Variants in ANKRD36C observed in about 807,000 individuals in gnomAD.
ANKRD36C encodes the protein ankyrin repeat domain 36C.
A neutral mutation model predicts 276.4 loss-of-function variants in ANKRD36C; 61 were observed. The observed-to-expected ratio is 0.22, with a 90% confidence interval of 0.18 to 0.27. The LOEUF is 0.27. Ranked by LOEUF, ANKRD36C falls within the 10% of genes least tolerant of loss-of-function variation. The pLI, the probability that ANKRD36C is intolerant of heterozygous loss-of-function variation, is 1.00. For synonymous variants in ANKRD36C, 483 were observed against 680.1 expected (o/e 0.71, Z 4.51); for missense variants, 1,447 against 2,032.3 (o/e 0.71, Z 5.54).
In ANKRD36C at chr2:95,991,755, T is replaced by G. The variant is rs1573824520; in HGVS notation, c.-47A>C. ...GCCTGCAGCCGTATTTCAGCTCGCC[T>G]TCGGGGATCGCCGCCTCCGAAGAGC... On this transcript the variant is annotated 5_prime_UTR_variant, in exon 1 of 67. Transcript: ENST00000456556. 1.9e-6 allele frequency: 3 copies of G among 1,589,568 alleles called. No homozygotes were observed. In the East Asian group the frequency reaches 6.7e-5, roughly 36 times the overall value.
At chr2:95,989,103 A>G (rs529364146) in intron 1 of ANKRD36C, among the ~76,000 whole-genome samples, 168 of 152,260 alleles carry the variant, frequency 1.1e-3, no homozygotes, top group Middle Eastern at 6.8e-3. Context: ...TGAGAGGCAG[A>G]TTGCAGTGAG....
chr2:95,887,935 T>G (rs1395069372), exon 50 of ANKRD36C: 3 of 1,591,502 alleles, frequency 1.9e-6, no homozygotes, highest in Non-Finnish European at 2.6e-6. Context: ...CTGTTCCAGA[T>G]TGTTGTCCAT....
intron 3 of ANKRD36C, among the ~76,000 whole-genome samples, chr2:95,983,421 A>G (rs1415861724): frequency 6.6e-6 from 1 of 151,340 alleles, no homozygotes; most frequent in Admixed American, 6.6e-5. Flanking sequence ...CTCCTTTAAA[A>G]ATTTATTTAT....
At chr2:95,980,427 A>C (rs1678892885) in intron 5 of ANKRD36C, among the ~76,000 whole-genome samples, 1 of 152,128 alleles carries the variant, frequency 6.6e-6, no homozygotes, top group Admixed American at 6.6e-5. Flanking sequence ...TGAAAGTTTC[A>C]ATATCAAGAA....
At chr2:95,956,896 A>C (rs1248844801) in intron 12 of ANKRD36C, 80 bp from the exon 13 acceptor site, 2 of 1,305,850 alleles carry the variant, frequency 1.5e-6, no homozygotes, top group African/African-American at 3.0e-5. Flanking sequence ...GAGCACAGTG[A>C]CTTGTTCCTA....
chr2:95,952,997 G>C (rs2438941), intron 14 of ANKRD36C, among the ~76,000 whole-genome samples: 1 of 152,374 alleles, frequency 6.6e-6, no homozygotes, highest in African/African-American at 2.4e-5. Flanking sequence ...TTTAGAATGC[G>C]ATACAAAGAC....
At chr2:95,856,400 C>G (rs1373102047) in intron 62 of ANKRD36C, among the ~76,000 whole-genome samples, 1 of 151,586 alleles carries the variant, frequency 6.6e-6, no homozygotes, top group Admixed American at 6.6e-5. Context: ...TCCATGAAAG[C>G]AAAAAAGAAA....
chr2:95,960,857 C>G (rs1487546340), intron 8 of ANKRD36C, among the ~76,000 whole-genome samples, 190 bp from the exon 9 acceptor site: 1 of 150,738 alleles, frequency 6.6e-6, no homozygotes, highest in Non-Finnish European at 1.5e-5. Context: ...ATAGTCTTCA[C>G]GCAACAAACA....
chr2:95,914,208 A>T, intron 39 of ANKRD36C, 28 bp from the exon 42 acceptor site: 1 of 1,569,058 alleles, frequency 6.4e-7, no homozygotes, highest in Non-Finnish European at 8.7e-7. Flanking sequence ...TGAAATAATA[A>T]GTTAATAAAG....
In ANKRD36C at chr2:95,959,101, A is replaced by G. The variant is rs529742240; in HGVS notation, c.1004-316T>C. Among the ~76,000 whole-genome samples the G allele has an allele frequency of 5.9e-5, 9 of 152,396 alleles. No homozygotes were observed. The East Asian group carries it at 1.5e-3, about 26-fold the overall frequency. ...GACAAATGTGATCTAAAATCAGAGC[A>G]GCGACTCATACACTTGGGAATCAAT... On this transcript the variant is annotated intron_variant, in intron 10 of 66. Transcript: ENST00000456556.
chr2:95,960,481 G>T (rs1323956556), exon 10 of ANKRD36C: 3 of 1,538,794 alleles, frequency 1.9e-6, no homozygotes, highest in Admixed American at 3.9e-5. Context: ...ACCTGTCCCA[G>T]ATTTTTGTTC....
intron 32 of ANKRD36C, among the ~76,000 whole-genome samples, chr2:95,922,850 A>G (rs1677308231): frequency 6.6e-6 from 1 of 151,658 alleles, no homozygotes; most frequent in African/African-American, 2.4e-5. Flanking sequence ...GTAATTAGTC[A>G]ATGTGGTTTA....
rs1228047203 is a variant in ANKRD36C, at chr2:95,929,287, C to T, written c.1736-20G>A. The T allele has an allele frequency of 5.7e-6, 9 of 1,589,268 alleles. No homozygotes were observed. Among genetic ancestry groups the T allele is most frequent in the East Asian group, 4.5e-5 (2 of 44,582 alleles). ...AAGACACTGAAAAGCAAAAGGGATA[C>T]ATAATCAATCATATGTAAATATGAT... On this transcript the variant is annotated intron_variant, in intron 24 of 66. Coordinates refer to ENST00000456556, the Ensembl canonical transcript of ANKRD36C.
intron 54 of ANKRD36C, 75 bp downstream of exon 74, chr2:95,884,098 C>T (rs1489873873): frequency 9.5e-6 from 14 of 1,481,264 alleles, no homozygotes; most frequent in Middle Eastern, 4.7e-4. Flanking sequence ...ACGAGCCCTC[C>T]GTTGATTTAT....
intron 24 of ANKRD36C, among the ~76,000 whole-genome samples, chr2:95,932,247 C>G (rs375251736): frequency 5.7e-3 from 712 of 125,164 alleles, no homozygotes; most frequent in African/African-American, 0.015. Flanking sequence ...TCAATAAAAG[C>G]AACCACGTAA....
intron 44 of ANKRD36C, among the ~76,000 whole-genome samples, chr2:95,893,266 C>T (rs537533945): frequency 6.6e-6 from 1 of 151,170 alleles, no homozygotes; most frequent in South Asian, 2.1e-4. Flanking sequence ...CAAAACTATG[C>T]TGTTCCCCAG....
At chr2:95,952,775 T>C (rs1016135438) in intron 14 of ANKRD36C, among the ~76,000 whole-genome samples, 7 of 152,410 alleles carry the variant, frequency 4.6e-5, no homozygotes, top group African/African-American at 1.7e-4. Context: ...GCATATTAGG[T>C]TACCTGTAAC....
intron 59 of ANKRD36C, among the ~76,000 whole-genome samples, chr2:95,870,261 C>A (rs922943396): frequency 6.6e-6 from 1 of 152,166 alleles, no homozygotes; most frequent in Non-Finnish European, 1.5e-5. Flanking sequence ...TGGGAGGCAC[C>A]CCCAGGTAGG....
intron 19 of ANKRD36C, among the ~76,000 whole-genome samples, chr2:95,941,461 T>TGGGAAGCTTCTGAGAAACTGCAA (rs1677889604): frequency 1.9e-5 from 1 of 53,710 alleles, no homozygotes; most frequent in Non-Finnish European, 5.3e-5. Context: ...CAATAACACT[T>TGGGAAGCTTCTGAGAAACTGCAA]ATTTCTACTT....
Sources: gnomAD v4.1 joint callset for allele counts (sites outside exome capture counted in the v4.1 genomes callset) on GRCh38, gnomAD v4.1.1 for gene constraint, MANE v1.5 for transcripts, NCBI Gene and HGNC (gene_info 2026-07-23, HGNC 2026-07-21) for gene names.